Variants in CXCR2 observed in about 807,000 individuals in gnomAD.
CXCR2 encodes C-X-C chemokine receptor type 2.
In CXCR2, 2 loss-of-function variants were observed where a neutral mutation model predicts 3.7. The observed-to-expected ratio is 0.55, with a 90% CI of 0.22 to 1.72. The LOEUF (loss-of-function observed/expected upper bound fraction) is 1.72. Among genes scored for constraint, CXCR2 ranks in the 40% most tolerant of loss-of-function variants. The pLI, the probability that CXCR2 is intolerant of heterozygous loss-of-function variation, is 0.19. For missense variants in CXCR2, 351 were observed against 450.1 expected (o/e 0.78, Z 1.99); for synonymous variants, 203 against 193.3 (o/e 1.05, Z -0.41).
chr2:218,133,458 C>G (rs915946535), intron 2 of CXCR2, among the ~76,000 whole-genome samples: 15 of 151,910 alleles, frequency 9.9e-5, no homozygotes, highest in Non-Finnish European at 2.2e-4. Context: ...CGTCACCATA[C>G]CTGGCTAATT....
In CXCR2 at chr2:218,136,118, TC is replaced by T. The variant is rs773718741; in HGVS notation, c.*236del. ...ATGTCATTTGCTGGAGCTCTGCCCA[TC>T]CTGCCCCTGAGCCCATGGCACTCTA... On this transcript the variant is annotated 3_prime_UTR_variant, in exon 3 of 3. Coordinates refer to ENST00000318507, the MANE Select transcript of CXCR2 (RefSeq NM_001557.4). The T allele has an allele frequency of 5.3e-5, 29 of 544,488 alleles. No homozygotes were observed. Among genetic ancestry groups the T allele is most frequent in the East Asian group, 3.1e-4 (10 of 32,594 alleles). 33.7% of individuals were successfully genotyped at this position (544,488 alleles called of 1,614,324 possible).
At chr2:218,133,660 T>C (rs1035745857) in intron 2 of CXCR2, among the ~76,000 whole-genome samples, 3 of 152,206 alleles carry the variant, frequency 2.0e-5, no homozygotes, top group African/African-American at 7.2e-5. Context: ...GGATCTGTGC[T>C]GTCCCTGTGG....
At position 218,132,091 on chromosome 2, in the gene CXCR2, T is replaced by G. The variant is rs17844760; in HGVS notation, c.-25-2686T>G. ...TATTTGTATTTGCTTTGCAAGGCCG[T>G]GTACCCTTTGATTAATCTTTTTTTT... On this transcript the variant is annotated intron_variant, in intron 2 of 2. Transcript: ENST00000318507. Among the ~76,000 whole-genome samples, 152 of 152,308 alleles carry G rather than the reference T, an allele frequency of 1.0e-3. No individual in the cohort carries two copies. In the Middle Eastern group the frequency reaches 0.02, roughly 20 times the overall value.
At chr2:218,130,038 C>T (rs934412538) in intron 2 of CXCR2, among the ~76,000 whole-genome samples, 7 of 152,146 alleles carry the variant, frequency 4.6e-5, no homozygotes, top group African/African-American at 1.7e-4. Context: ...TTCTTTCATT[C>T]TGGGCCAAAG....
In CXCR2 at chr2:218,135,876, A is replaced by T. The variant is rs150629039; in HGVS notation, c.1075A>T (p.Thr359Ser). 1.2e-4 allele frequency: 189 copies of T among 1,605,316 alleles called. 1 individual carries two copies. In the Middle Eastern group the frequency reaches 2.8e-3, roughly 24 times the overall value. ...CTCTTCTTCAGGGCACACTTCCACT[A>T]CTCTCTAAGACCTCCTGCCTAAGTG... is the stretch of plus-strand genomic sequence containing the variant. ...VGSSSGHTST[T>S]L Residue 359 changes from threonine to serine, a missense_variant, in exon 3 of 3, where the codon ACT becomes TCT. Transcript: ENST00000318507. The surrounding 1 kb of genome is among the most constrained non-coding windows in gnomAD (Gnocchi z 4.0).
At position 218,135,776 on chromosome 2, in the gene CXCR2, C is replaced by T. The variant is rs1260228803; in HGVS notation, c.975C>T (p.Leu325=). 9 of 1,614,126 alleles carry T rather than the reference C, an allele frequency of 5.6e-6. No homozygotes were observed. The highest frequency in any genetic ancestry group is 1.1e-5 in the South Asian group (1 of 91,068). ...TTGGCCAGAAGTTTCGCCATGGACT[C>T]CTCAAGATTCTAGCTATACATGGCT... ...AFIGQKFRHG[L]LKILAIHGLI... Residue 325 remains leucine (L), a synonymous_variant, in exon 3 of 3, where the codon CTC becomes CTT. Coordinates refer to ENST00000318507, the MANE Select transcript of CXCR2 (RefSeq NM_001557.4). This position sits in a 1 kb window ranked among gnomAD's most constrained non-coding sequence, Gnocchi z 4.0.
At chr2:218,131,716 A>G (rs1287998137) in intron 2 of CXCR2, among the ~76,000 whole-genome samples, 1 of 151,232 alleles carries the variant, frequency 6.6e-6, no homozygotes, top group Non-Finnish European at 1.5e-5. Flanking sequence ...TGATCCGCCC[A>G]TCTCGGCCTC....
intron 2 of CXCR2, among the ~76,000 whole-genome samples, chr2:218,134,232 C>T (rs1019058644): frequency 1.1e-4 from 17 of 152,160 alleles, no homozygotes; most frequent in Admixed American, 6.6e-5. Flanking sequence ...GCTTAATCCC[C>T]TGATTAAAAA....
intron 2 of CXCR2, among the ~76,000 whole-genome samples, chr2:218,133,332 C>T (rs1026548880): frequency 3.8e-4 from 47 of 124,854 alleles, no homozygotes; most frequent in Middle Eastern, 7.4e-3. Context: ...CAGAGTCTCG[C>T]TCTGTTGCCC....
rs202138860 is a variant in CXCR2 at position 218,135,998 on chromosome 2, T to C, written c.*114T>C. On this transcript the variant is annotated 3_prime_UTR_variant, in exon 3 of 3. Transcript: ENST00000318507. The surrounding 1 kb of genome is among the most constrained non-coding windows in gnomAD (Gnocchi z 4.0). ...CTCAGTGTCAATGCAGCCCCCATTG[T>C]GGTCACAGGAAGTAGAGGAGGCCAC... is the stretch of plus-strand genomic sequence containing the variant. 3.5e-5 allele frequency: 50 copies of C among 1,412,714 alleles called. No homozygotes were observed. The African/African-American group carries it at 6.9e-4, about 19-fold the overall frequency. 87.5% of individuals were successfully genotyped at this position (1,412,714 alleles called of 1,614,324 possible).
In CXCR2 at chr2:218,134,891, C is replaced by G. The variant is rs142762038; in HGVS notation, c.90C>G (p.Pro30=). ...ATTACAGTTACAGCTCTACCCTGCC[C>G]CCTTTTCTACTAGATGCCGCCCCAT... is the stretch of plus-strand genomic sequence containing the variant. ...LSNYSYSSTL[P]PFLLDAAPCE... The change falls in exon 3 of 3, where the codon CCC becomes CCG. Residue 30 remains proline (P), a synonymous_variant. Transcript: ENST00000318507. 303 of 1,614,018 alleles carry G rather than the reference C, an allele frequency of 1.9e-4. No individual in the cohort carries two copies. The highest frequency in any genetic ancestry group is 2.4e-4 in the Non-Finnish European group (286 of 1,180,028).
chr2:218,125,419 G>C (rs1574534448), upstream of CXCR2: 1 of 152,244 alleles, frequency 6.6e-6, no homozygotes, highest in Admixed American at 6.5e-5. Flanking sequence ...CAAAAGTTCT[G>C]TGGATTCTTT....
At chr2:218,131,455 A>G (rs971163086) in intron 2 of CXCR2, among the ~76,000 whole-genome samples, 2 of 150,304 alleles carry the variant, frequency 1.3e-5, no homozygotes, top group Admixed American at 6.7e-5. Context: ...AGACATACAT[A>G]AAGTACAATG....
In CXCR2 at chr2:218,136,601, T is replaced by A. The variant is rs909564769; in HGVS notation, c.*717T>A. 2 of 167,058 alleles carry A rather than the reference T, an allele frequency of 1.2e-5. No homozygotes were observed. The highest frequency in any genetic ancestry group is 3.9e-4 in the East Asian group (2 of 5,178). 10.3% of individuals were successfully genotyped at this position (167,058 alleles called of 1,614,324 possible). On this transcript the variant is annotated 3_prime_UTR_variant, in exon 3 of 3. Transcript: ENST00000318507. ...CTTATAGGAATTGACCCACAAGAAA[T>A]GAAAGCAGGGACTTGAACCCATATT...
At chr2:218,128,841 C>T (rs1049103636) in intron 1 of CXCR2, among the ~76,000 whole-genome samples, 7 of 152,146 alleles carry the variant, frequency 4.6e-5, no homozygotes, top group South Asian at 2.1e-4. Context: ...CAGGGAGGAA[C>T]GCCACCAGAC....
Position 218,127,059 on chromosome 2 carries a change from C to T in CXCR2, c.-78+706C>T, listed in dbSNP as rs117921156. 1.1e-3 allele frequency among the ~76,000 whole-genome samples: 174 copies of T among 152,140 alleles called. 4 individuals carry two copies. The East Asian group carries it at 0.026, about 22-fold the overall frequency. On this transcript the variant is annotated intron_variant, in intron 1 of 2. Transcript: ENST00000318507. ...ACAGAATAGAATTAGAAGAAGCTCC[C>T]GTTTTCCAAAGGCACACAACAAGGC...
Position 218,135,938 on chromosome 2 carries a change from C to A in CXCR2, c.*54C>A. On this transcript the variant is annotated 3_prime_UTR_variant, in exon 3 of 3. Transcript: ENST00000318507. This position sits in a 1 kb window ranked among gnomAD's most constrained non-coding sequence, Gnocchi z 4.0. ...GGTTCCTCCCTTCTCTTCACAGTCA[C>A]ATTCCAAGCCTCATGTCCACTGGTT... 6.5e-7 allele frequency: 1 copy of A among 1,540,002 alleles called. No homozygotes were observed. The highest frequency in any genetic ancestry group is 1.3e-5 in the South Asian group (1 of 78,616).
At position 218,135,152 on chromosome 2, in the gene CXCR2, C is replaced by A. The variant is rs1318846314; in HGVS notation, c.351C>A (p.Phe117Leu). 6.2e-7 allele frequency: 1 copy of A among 1,614,218 alleles called. No homozygotes were observed. Among genetic ancestry groups the A allele is most frequent in the South Asian group, 1.1e-5 (1 of 91,082 alleles). ...TGAATGGCTGGATTTTTGGCACATT[C>A]CTGTGCAAGGTGGTCTCACTCCTGA... ...SKVNGWIFGT[F>L]LCKVVSLLKE... Residue 117 changes from phenylalanine (F) to leucine (L), a missense_variant, in exon 3 of 3, where the codon TTC becomes TTA. By Grantham distance (22) the Phe-to-Leu change is conservative. Transcript: ENST00000318507. The surrounding 1 kb of genome is among the most constrained non-coding windows in gnomAD (Gnocchi z 4.0).
At position 218,135,576 on chromosome 2, in the gene CXCR2, A is replaced by T; in HGVS notation, c.775A>T (p.Ile259Phe). 1.2e-6 allele frequency: 2 copies of T among 1,614,054 alleles called. No homozygotes were observed. The highest frequency in any genetic ancestry group is 1.7e-6 in the Non-Finnish European group (2 of 1,180,000). Residue 259 changes from isoleucine (I) to phenylalanine (F), a missense_variant, in exon 3 of 3, where the codon ATC becomes TTC. By Grantham distance (21) the Ile-to-Phe change is conservative. Coordinates refer to ENST00000318507, the MANE Select transcript of CXCR2 (RefSeq NM_001557.4). This position sits in a 1 kb window ranked among gnomAD's most constrained non-coding sequence, Gnocchi z 4.0. ...AMRVIFAVVL[I>F]FLLCWLPYNL... ...GCGGGTCATCTTTGCTGTCGTCCTC[A>T]TCTTCCTGCTCTGCTGGCTGCCCTA... is the stretch of plus-strand genomic sequence containing the variant.
Sources: gnomAD v4.1 joint callset for allele counts (sites outside exome capture counted in the v4.1 genomes callset) on GRCh38, gnomAD v4.1.1 for gene constraint, Gnocchi (gnomAD v3.1) non-coding constraint, MANE v1.5 for transcripts, NCBI Gene and HGNC (gene_info 2026-07-23, HGNC 2026-07-21) for gene names.